A4GNT: variants seen among roughly 807,000 people sequenced by gnomAD.
The protein encoded by A4GNT is alpha-1,4-N-acetylglucosaminyltransferase.
In A4GNT, 6 loss-of-function variants were observed where a neutral mutation model predicts 8.3. That is an observed-to-expected ratio of 0.72 (90% confidence interval 0.39 to 1.42). The LOEUF is 1.42. A4GNT is among the 40% of genes most tolerant of loss of function. The probability of loss-of-function intolerance (pLI) is 0.02; values close to 1 mark genes in which losing one functional copy is unlikely to be tolerated. For missense variants in A4GNT, 377 were observed against 417.0 expected, an observed-to-expected ratio of 0.90 and a Z score of 0.84; for synonymous variants, 157 against 159.8, an observed-to-expected ratio of 0.98 and a Z score of 0.13.
chr3:138,131,439 G>T (rs557088913), intron 1 of A4GNT, among the ~76,000 whole-genome samples, 157 bp from the exon 2 acceptor site: 20 of 151,408 alleles, frequency 1.3e-4, no homozygotes, highest in Non-Finnish European at 2.2e-4. Context: ...AAAAAAAAAT[G>T]CAGCCAGGCA....
chr3:138,132,040 T>G (rs969211224), intron 1 of A4GNT, among the ~76,000 whole-genome samples, 172 bp downstream of exon 1: 4 of 152,122 alleles, frequency 2.6e-5, no homozygotes, highest in African/African-American at 9.7e-5. Flanking sequence ...ATCTCTAGGT[T>G]CAGAAAACAT....
At position 138,131,133 on chromosome 3, in the gene A4GNT, G is replaced by A. The variant is rs779424786; in HGVS notation, c.124C>T (p.Leu42=). ...CGTCTGTGGCTCAGGAGGGCTTCCA[G>A]CCCCTGGTGGGACTTGAAAGAAGGC... ...CLPSFKSHQG[L]EALLSHRRGI... is the part of the protein sequence containing the mutation. Residue 42 remains leucine, a synonymous_variant, in exon 2 of 3, where the codon CTG becomes TTG. Coordinates refer to ENST00000236709, the MANE Select transcript of A4GNT (RefSeq NM_016161.3). 7 of 1,613,526 alleles carry A rather than the reference G, an allele frequency of 4.3e-6. No individual in the cohort carries two copies. The East Asian group carries it at 1.6e-4, about 36-fold the overall frequency.
chr3:138,126,196 G>A (rs1453259039), intron 2 of A4GNT, among the ~76,000 whole-genome samples: 6 of 151,744 alleles, frequency 4.0e-5, no homozygotes, highest in Admixed American at 3.9e-4. Context: ...GATGAAGCTG[G>A]TCAGGATTTG....
intron 2 of A4GNT, among the ~76,000 whole-genome samples, chr3:138,125,646 G>A (rs931821187): frequency 1.3e-5 from 2 of 152,206 alleles, no homozygotes; most frequent in African/African-American, 4.8e-5. Flanking sequence ...CATGCCCATA[G>A]CTGAGAAAAG....
Position 138,125,333 on chromosome 3 carries a change from T to TA in A4GNT, c.409-456dup, listed in dbSNP as rs890231574. On this transcript the variant is annotated intron_variant, in intron 2 of 2. Transcript: ENST00000236709. Reference sequence around the variant, plus strand: ...GTATGTCTGCTATTTGAAAAATTGATAAAAAAATCTTAAAATGCATACCTT... The same window carrying TA: ...GTATGTCTGCTATTTGAAAAATTGATAAAAAAAATCTTAAAATGCATACCTT... 8.8e-4 allele frequency among the ~76,000 whole-genome samples: 134 copies of TA among 152,220 alleles called. 1 individual carries two copies. Among genetic ancestry groups the TA allele is most frequent in the African/African-American group, 2.5e-3 (104 of 41,534 alleles).
At position 138,127,176 on chromosome 3, in the gene A4GNT, CTAA is replaced by C. The variant is rs112642914; in HGVS notation, c.409-2301_409-2299del. Among the ~76,000 whole-genome samples, 761 of 150,284 alleles carry C rather than the reference CTAA, an allele frequency of 5.1e-3. 5 individuals are homozygous for C. Among genetic ancestry groups the C allele is most frequent in the African/African-American group, 0.017 (707 of 40,824 alleles). ...GACATTGTATACAATTGCCAAAAAC[CTAA>C]TAATAATAGCTAACATTTATCAATA... On this transcript the variant is annotated intron_variant, in intron 2 of 2. Coordinates refer to ENST00000236709, the MANE Select transcript of A4GNT (RefSeq NM_016161.3).
chr3:138,125,557 A>C (rs943387605), intron 2 of A4GNT, among the ~76,000 whole-genome samples: 1 of 152,184 alleles, frequency 6.6e-6, no homozygotes, highest in Non-Finnish European at 1.5e-5. Flanking sequence ...AGCTGGGTGA[A>C]GGGACTGTGA....
chr3:138,129,659 T>G (rs940245397), intron 2 of A4GNT, among the ~76,000 whole-genome samples: 6 of 152,192 alleles, frequency 3.9e-5, no homozygotes, highest in African/African-American at 1.4e-4. Context: ...ATATCCTCAA[T>G]TTTACCACCT....
chr3:138,131,337 G>A, intron 1 of A4GNT, 55 bp from the exon 2 acceptor site: 1 of 1,338,170 alleles, frequency 7.5e-7, no homozygotes, highest in Non-Finnish European at 9.8e-7. Context: ...GACAAAGATA[G>A]CACACAAGAA....
chr3:138,130,889 C>G lies in A4GNT; in HGVS notation c.368G>C (p.Arg123Thr), dbSNP rs368582032. 1.3e-5 allele frequency: 21 copies of G among 1,613,976 alleles called. No individual in the cohort carries two copies. In the African/African-American group the frequency reaches 2.8e-4, roughly 22 times the overall value. ...NVFLFPLDMK[R>T]LLEDTPLFSW... is the part of the protein sequence containing the mutation. ...AAACAATGGTGTGTCTTCAAGCAGC[C>G]TTTTCATATCCAAAGGGAAGAGGAA... Residue 123 changes from arginine to threonine, a missense_variant, in exon 2 of 3, where the codon AGG (arginine) becomes ACG (threonine). Physicochemically the swap from Arg to Thr is moderately conservative, Grantham distance 71. Coordinates refer to ENST00000236709, the MANE Select transcript of A4GNT (RefSeq NM_016161.3).
intron 2 of A4GNT, among the ~76,000 whole-genome samples, chr3:138,127,594 A>AG (rs1295049822): frequency 2.3e-4 from 35 of 151,884 alleles, no homozygotes; most frequent in African/African-American, 8.2e-4. Flanking sequence ...AAAACAAAAA[A>AG]CATAAGCGCT....
intron 2 of A4GNT, among the ~76,000 whole-genome samples, chr3:138,129,028 C>T (rs2042762014): frequency 6.6e-6 from 1 of 152,128 alleles, no homozygotes; most frequent in African/African-American, 2.4e-5. Context: ...GCCCCAGCCC[C>T]TACCTTTCTG....
At chr3:138,126,616 A>G (rs1177720510) in intron 2 of A4GNT, among the ~76,000 whole-genome samples, 1 of 138,090 alleles carries the variant, frequency 7.2e-6, no homozygotes, top group Admixed American at 7.5e-5. Flanking sequence ...ATCTGAAGTC[A>G]GGAGTTCGAG....
chr3:138,128,482 G>C (rs1296283753), intron 2 of A4GNT, among the ~76,000 whole-genome samples: 1 of 151,592 alleles, frequency 6.6e-6, no homozygotes, highest in Non-Finnish European at 1.5e-5. Context: ...GGGTGGGGGG[G>C]TAGGTGCCAC....
chr3:138,125,674 G>A (rs780036787), intron 2 of A4GNT, among the ~76,000 whole-genome samples: 107 of 152,278 alleles, frequency 7.0e-4, no homozygotes, highest in Non-Finnish European at 5.3e-4. Context: ...CAGGAGGAGG[G>A]AACTCCTAGA....
Position 138,123,762 on chromosome 3 carries a change from T to C in A4GNT, c.*502A>G, listed in dbSNP as rs2042728094. 1 of 153,216 alleles carries C rather than the reference T, an allele frequency of 6.5e-6. No individual in the cohort carries two copies. The highest frequency in any genetic ancestry group is 2.1e-4 in the South Asian group (1 of 4,874). 9.5% of individuals were successfully genotyped at this position (153,216 alleles called of 1,614,324 possible). A position where few individuals can be genotyped will look rare whatever the true frequency, so the allele number is the denominator to read the frequency against. ...CTGAATGCATTAATGAATGTCAAAA[T>C]CAGGACTAGAAATCAAGTCTCTTTT... On this transcript the variant is annotated 3_prime_UTR_variant, in exon 3 of 3. Coordinates refer to ENST00000236709, the MANE Select transcript of A4GNT (RefSeq NM_016161.3).
chr3:138,124,505 TA>T lies in A4GNT; in HGVS notation c.781del (p.Tyr261ThrfsTer33). 2 of 1,614,124 alleles carry T rather than the reference TA, an allele frequency of 1.2e-6. No individual in the cohort carries two copies. Among genetic ancestry groups the T allele is most frequent in the Non-Finnish European group, 1.7e-6 (2 of 1,180,014 alleles). ...CCTCCACTCTCGATAGGAGATGGGG[TA>T]AAATCTTTGGGGGTGTAAGAAGGAT... Reference protein sequence around the residue: ...NISFLHPQRFYPISYREWRRY... With the variant: ...NISFLHPQRFXPISYREWRRY... On this transcript the variant is annotated frameshift_variant, in exon 3 of 3. Transcript: ENST00000236709. LOFTEE classifies it low-confidence loss of function (END_TRUNC).
chr3:138,127,088 C>T (rs1293994309), intron 2 of A4GNT, among the ~76,000 whole-genome samples: 15 of 129,016 alleles, frequency 1.2e-4, no homozygotes, highest in African/African-American at 4.3e-4. Flanking sequence ...GCTGAGATTG[C>T]ACCACTGGCG....
chr3:138,129,001 C>A (rs564197252), intron 2 of A4GNT, among the ~76,000 whole-genome samples: 29 of 152,162 alleles, frequency 1.9e-4, no homozygotes, highest in African/African-American at 7.0e-4. Context: ...ATAAACTGAC[C>A]CCAGGAGCCA....
Sources: allele counts gnomAD v4.1 joint callset (sites outside exome capture counted in the v4.1 genomes callset), GRCh38; gene constraint gnomAD v4.1.1; transcripts MANE v1.5; gene names NCBI Gene and HGNC (gene_info 2026-07-23, HGNC 2026-07-21).